Variants in POU2F2 observed in about 807,000 individuals in gnomAD.
The protein encoded by POU2F2 is POU domain, class 2, transcription factor 2.
A neutral mutation model predicts 63.5 loss-of-function variants in POU2F2; 14 were observed. That is an observed-to-expected ratio of 0.22 (90% CI 0.15 to 0.34). POU2F2 has a LOEUF of 0.34. POU2F2 is among the 10% of genes least tolerant of loss of function. The pLI, the probability that POU2F2 is intolerant of heterozygous loss-of-function variation, is 1.00. For synonymous variants in POU2F2, 306 were observed against 348.6 expected (o/e 0.88, Z 1.36); for missense variants, 607 against 815.2 (o/e 0.74, Z 3.11).
At chr19:42,185,560 G>T (rs114204850) in intron 1 of POU2F2, among the ~76,000 whole-genome samples, 1 of 152,122 alleles carries the variant, frequency 6.6e-6, no homozygotes, top group Non-Finnish European at 1.5e-5. Flanking sequence ...CCTTGAATCT[G>T]CCCTTAACCT....
chr19:42,117,382 G>T lies in POU2F2; in HGVS notation c.237C>A (p.Cys79Ter). The part of the protein sequence containing the change: ...LHLTFWGPGP[C>*]LSPPQIKAED... ...CAGCCTTGATCTGGGGGGGAGAGAG[G>T]CAGGGTCCGGGACCCCAGAATGTTA... Residue 79 changes from cysteine (C) to a stop codon, truncating the protein, a stop_gained, in exon 5 of 15, where the codon TGC becomes TGA. Transcript: ENST00000692977. LOFTEE classifies it high-confidence loss of function. The surrounding 1 kb of genome is among the most constrained non-coding windows in gnomAD (Gnocchi z 4.4). The T allele has an allele frequency of 6.6e-7, 1 of 1,504,990 alleles. No individual in the cohort carries two copies. The highest frequency in any genetic ancestry group is 8.9e-7 in the Non-Finnish European group (1 of 1,123,136). The allele number at this position is 1,504,990 out of a possible 1,614,324, so 93.2% of individuals were successfully genotyped here. A position where few individuals can be genotyped will look rare whatever the true frequency, so the allele number is the denominator to read the frequency against.
rs2076585038 is a variant in POU2F2, at chr19:42,087,462, C to T, written c.*3795G>A. On this transcript the variant is annotated 3_prime_UTR_variant, in exon 15 of 15. Transcript: ENST00000692977. ...AGGGAGATGGATGGAAAACTCATAT[C>T]CTTCCCCTCCTCCTGATCTCAGCCC... is the stretch of plus-strand genomic sequence containing the variant. 1 of 152,060 alleles carries T rather than the reference C, an allele frequency of 6.6e-6. No individual in the cohort carries two copies. Among genetic ancestry groups the T allele is most frequent in the South Asian group, 2.1e-4 (1 of 4,834 alleles). The allele number at this position is 152,060 out of a possible 1,614,324, so 9.4% of individuals were successfully genotyped here. A position where few individuals can be genotyped will look rare whatever the true frequency, so the allele number is the denominator to read the frequency against.
At chr19:42,168,002 A>G (rs759731525) in intron 1 of POU2F2, among the ~76,000 whole-genome samples, 19 of 152,212 alleles carry the variant, frequency 1.2e-4, no homozygotes, top group Non-Finnish European at 2.4e-4. Flanking sequence ...TCAGAAATCA[A>G]TAGAACGTCA....
At chr19:42,138,267 G>A (rs1225947422) in intron 2 of POU2F2, among the ~76,000 whole-genome samples, 1 of 152,180 alleles carries the variant, frequency 6.6e-6, no homozygotes, top group Non-Finnish European at 1.5e-5. Context: ...TGGGAGTCAC[G>A]GAGAAGTCAA....
At chr19:42,154,945 A>G (rs1314357074) in intron 2 of POU2F2, among the ~76,000 whole-genome samples, 2 of 152,144 alleles carry the variant, frequency 1.3e-5, no homozygotes, top group South Asian at 4.1e-4. Flanking sequence ...ACCTGATCAC[A>G]TGGGTAGGGA....
intron 1 of POU2F2, among the ~76,000 whole-genome samples, chr19:42,164,535 C>T (rs1219287388): frequency 1.3e-5 from 2 of 150,804 alleles, no homozygotes; most frequent in Non-Finnish European, 2.9e-5. Context: ...CATGCCATTG[C>T]ACTTCAGCTC....
intron 1 of POU2F2, among the ~76,000 whole-genome samples, chr19:42,173,921 G>A (rs1319424944): frequency 6.6e-6 from 1 of 152,190 alleles, no homozygotes; most frequent in African/African-American, 2.4e-5. Context: ...AACTGGAGAT[G>A]CTGCCTATGG....
At position 42,163,318 on chromosome 19, in the gene POU2F2, A is replaced by C. The variant is rs1040198475; in HGVS notation, c.-69-2926T>G. Among the ~76,000 whole-genome samples the C allele has an allele frequency of 7.9e-5, 12 of 151,718 alleles. No homozygotes were observed. The South Asian group carries it at 2.5e-3, about 32-fold the overall frequency. Reference sequence around the variant, plus strand: ...GGAGGGAGTGTGTGGGCAGAGGAGGAGGCCCACGAGATGAGCCAGGGATTG... The same window carrying C: ...GGAGGGAGTGTGTGGGCAGAGGAGGCGGCCCACGAGATGAGCCAGGGATTG... On this transcript the variant is annotated intron_variant, in intron 1 of 6. Coordinates refer to the POU2F2 transcript ENST00000524801.
At chr19:42,121,572 T>C (rs771615971) in intron 4 of POU2F2, among the ~76,000 whole-genome samples, 2 of 152,148 alleles carry the variant, frequency 1.3e-5, no homozygotes, top group South Asian at 4.2e-4. Context: ...CCTCCAGTGC[T>C]ACCTTCAAGC....
intron 5 of POU2F2, among the ~76,000 whole-genome samples, chr19:42,111,653 A>T (rs1305902739): frequency 6.6e-6 from 1 of 152,134 alleles, no homozygotes; most frequent in Non-Finnish European, 1.5e-5. Context: ...CAGCTGCTGA[A>T]GCCAAAATCC....
intron 5 of POU2F2, among the ~76,000 whole-genome samples, chr19:42,114,404 G>C (rs2031574488): frequency 6.6e-6 from 1 of 152,092 alleles, no homozygotes; most frequent in African/African-American, 2.4e-5. Flanking sequence ...AGATGAAGAG[G>C]AACTGTCCAG....
chr19:42,153,637 G>A lies in POU2F2; in HGVS notation c.-9+6695C>T, dbSNP rs144216069. Among the ~76,000 whole-genome samples the A allele has an allele frequency of 1.1e-4, 16 of 152,182 alleles. No homozygotes were observed. Among genetic ancestry groups the A allele is most frequent in the East Asian group, 1.9e-4 (1 of 5,182 alleles). ...GAAGCAGGTTCTCCTCATGAGTGTC[G>A]GAGAGTCCATGCGGTTTCTCTGTGT... On this transcript the variant is annotated intron_variant, in intron 2 of 6. Transcript: ENST00000524801. The surrounding 1 kb of genome is among the most constrained non-coding windows in gnomAD (Gnocchi z 5.6).
At chr19:42,166,053 TA>T (rs2034643164) in intron 1 of POU2F2, among the ~76,000 whole-genome samples, 1 of 152,176 alleles carries the variant, frequency 6.6e-6, no homozygotes, top group Non-Finnish European at 1.5e-5. Context: ...ATTAGGTTGG[TA>T]AAGGGGAATT....
chr19:42,142,257 C>T (rs1471608665), intron 2 of POU2F2, among the ~76,000 whole-genome samples: 1 of 152,116 alleles, frequency 6.6e-6, no homozygotes, highest in African/African-American at 2.4e-5. Flanking sequence ...GTGGTGTGAT[C>T]TTGGCTCACT....
chr19:42,181,212 C>T (rs146717735), intron 1 of POU2F2, among the ~76,000 whole-genome samples: 4 of 152,344 alleles, frequency 2.6e-5, no homozygotes, highest in East Asian at 3.9e-4. Context: ...CATGATTCCA[C>T]GAAGGCTGAT....
intron 1 of POU2F2, among the ~76,000 whole-genome samples, 189 bp from the exon 2 acceptor site, chr19:42,122,765 GAC>G (rs2032798273): frequency 6.6e-6 from 1 of 152,140 alleles, no homozygotes; most frequent in South Asian, 2.1e-4. Context: ...GGCAAGATGA[GAC>G]ACAGCACTTA....
At chr19:42,107,390 A>G (rs1399516232) in intron 5 of POU2F2, among the ~76,000 whole-genome samples, 2 of 152,186 alleles carry the variant, frequency 1.3e-5, no homozygotes, top group African/African-American at 2.4e-5. Context: ...AAAAAAATAT[A>G]GGCATCAAAC....
At chr19:42,119,605 G>A (rs2146596252) in intron 4 of POU2F2, among the ~76,000 whole-genome samples, 1 of 152,252 alleles carries the variant, frequency 6.6e-6, no homozygotes, top group South Asian at 2.1e-4. Context: ...GCCGGGAGGT[G>A]GAGGTGCAGT....
Position 42,087,306 on chromosome 19 carries a change from C to A in POU2F2, c.*3951G>T, listed in dbSNP as rs976575305. 4.6e-5 allele frequency: 7 copies of A among 151,942 alleles called. No individual in the cohort carries two copies. Among genetic ancestry groups the A allele is most frequent in the African/African-American group, 1.7e-4 (7 of 41,334 alleles). The allele number at this position is 151,942 out of a possible 1,614,324, so 9.4% of individuals were successfully genotyped here. A position where few individuals can be genotyped will look rare whatever the true frequency, so the allele number is the denominator to read the frequency against. On this transcript the variant is annotated 3_prime_UTR_variant, in exon 15 of 15. Coordinates refer to ENST00000692977, the MANE Select transcript of POU2F2 (RefSeq NM_001394376.1). ...CTCACTCAGGTCCCCCTACCCTGGG[C>A]TAGAGGAAGAGAGAGGCACCCTGGT...
Sources: gnomAD v4.1 joint callset for allele counts (sites outside exome capture counted in the v4.1 genomes callset) on GRCh38, gnomAD v4.1.1 for gene constraint, Gnocchi (gnomAD v3.1) non-coding constraint, MANE v1.5 for transcripts, NCBI Gene and HGNC (gene_info 2026-07-23, HGNC 2026-07-21) for gene names.